WDR41: variants seen among roughly 807,000 people sequenced by gnomAD.
The protein encoded by WDR41 is WD repeat domain 41.
Under a neutral mutation model 69.3 loss-of-function variants are expected in WDR41, and 63 were observed. The ratio of observed to expected loss-of-function variants is 0.91; its 90% CI spans 0.74 to 1.12. The LOEUF (loss-of-function observed/expected upper bound fraction) is 1.12. Among genes scored for constraint, WDR41 ranks in the 50% most tolerant of loss-of-function variants. The probability of loss-of-function intolerance (pLI) is 0.00; values close to 1 mark genes in which losing one functional copy is unlikely to be tolerated. For missense variants in WDR41, 543 were observed against 534.5 expected (o/e 1.02, Z -0.16); for synonymous variants, 185 against 192.1 (o/e 0.96, Z 0.31).
chr5:77,548,192 T>C (rs997684096), intron 1 of WDR41, among the ~76,000 whole-genome samples: 1 of 152,148 alleles, frequency 6.6e-6, no homozygotes, highest in Non-Finnish European at 1.5e-5. Flanking sequence ...GAAGATAACA[T>C]TGGAAAAACT....
intron 2 of WDR41, among the ~76,000 whole-genome samples, chr5:77,475,580 G>T (rs181393765): frequency 6.6e-6 from 1 of 152,018 alleles, no homozygotes; most frequent in Non-Finnish European, 1.5e-5. Flanking sequence ...TCACACGGCC[G>T]GGTACTCCAA....
chr5:77,600,140 G>A (rs1251041320), intron 1 of WDR41, among the ~76,000 whole-genome samples: 3 of 152,122 alleles, frequency 2.0e-5, no homozygotes, highest in Non-Finnish European at 2.9e-5. Flanking sequence ...GGTCAAACAT[G>A]GGTTTGACCA....
intron 12 of WDR41, 57 bp from the exon 13 acceptor site, chr5:77,433,344 TACC>T (rs1446007166): frequency 3.9e-6 from 6 of 1,528,768 alleles, no homozygotes; most frequent in Admixed American, 1.9e-5. Flanking sequence ...AAGTGTCTAA[TACC>T]ACATTAACAC....
At chr5:77,491,362 G>C (rs1300594088) in intron 1 of WDR41, 1 of 162,844 alleles carries the variant, frequency 6.1e-6, no homozygotes, top group Non-Finnish European at 1.4e-5. Context: ...CTCTCTTTTC[G>C]GACTCAGCCC....
chr5:77,444,949 G>A (rs1241311135), intron 8 of WDR41, among the ~76,000 whole-genome samples: 5 of 152,136 alleles, frequency 3.3e-5, no homozygotes, highest in Admixed American at 6.5e-5. Flanking sequence ...GAGAAGAATT[G>A]AAGGAGACAG....
chr5:77,543,947 C>G (rs541271914), intron 1 of WDR41, among the ~76,000 whole-genome samples: 11 of 152,260 alleles, frequency 7.2e-5, no homozygotes, highest in African/African-American at 2.6e-4. Flanking sequence ...ATCAGATTAA[C>G]AGCAGATTTC....
chr5:77,558,880 A>T (rs1304389970), intron 1 of WDR41, among the ~76,000 whole-genome samples: 1 of 26,816 alleles, frequency 3.7e-5, no homozygotes, highest in East Asian at 9.8e-3. Context: ...AAGTCATTGA[A>T]AAAATATTTT....
intron 8 of WDR41, among the ~76,000 whole-genome samples, chr5:77,447,690 T>C (rs1360187663): frequency 6.6e-6 from 1 of 152,112 alleles, no homozygotes; most frequent in African/African-American, 2.4e-5. Context: ...ATGCCGCATA[T>C]TCTCACTCTA....
intron 1 of WDR41, among the ~76,000 whole-genome samples, chr5:77,614,139 G>A (rs10073465): frequency 0.11 from 15,974 of 151,102 alleles, 909 homozygotes; most frequent in East Asian, 0.25. Flanking sequence ...TAAAAAGTCA[G>A]GAAACAACAG....
intron 9 of WDR41, among the ~76,000 whole-genome samples, chr5:77,440,215 A>G (rs1799104922): frequency 6.6e-6 from 1 of 152,234 alleles, no homozygotes; most frequent in Non-Finnish European, 1.5e-5. Flanking sequence ...TTGTGATTAC[A>G]TTTAGAAAAG....
chr5:77,533,071 G>A (rs1212930544), intron 1 of WDR41, among the ~76,000 whole-genome samples: 1 of 152,076 alleles, frequency 6.6e-6, no homozygotes, highest in Non-Finnish European at 1.5e-5. Context: ...TCAGGAAATG[G>A]GATCCCTCAT....
intron 2 of WDR41, among the ~76,000 whole-genome samples, chr5:77,487,128 A>C (rs1246917171): frequency 2.0e-5 from 3 of 152,234 alleles, no homozygotes; most frequent in Non-Finnish European, 2.9e-5. Context: ...ACAGCAATGA[A>C]CATGATCTCT....
At chr5:77,450,256 T>G (rs543099520) in intron 7 of WDR41, among the ~76,000 whole-genome samples, 2 of 152,334 alleles carry the variant, frequency 1.3e-5, no homozygotes, top group East Asian at 3.9e-4. Context: ...CTCTTACTCA[T>G]GTAAGCATTG....
rs147609496 is a variant in WDR41, at chr5:77,464,788, A to G, written c.189T>C (p.Asp63=). The change falls in exon 3 of 13, where the codon GAT becomes GAC. Residue 63 remains aspartate (D), a synonymous_variant. Coordinates refer to ENST00000296679, the MANE Select transcript of WDR41 (RefSeq NM_018268.4). ...DDYRFASAGD[D]GIVVVWNAQT... ...GGGCATTCCACACAACTACAATTCCATCATCACCAGCAGATGCAAATCTGG... is the reference window on the plus strand; with the variant it reads ...GGGCATTCCACACAACTACAATTCCGTCATCACCAGCAGATGCAAATCTGG... 1.9e-5 allele frequency: 31 copies of G among 1,613,852 alleles called. No individual in the cohort carries two copies. The African/African-American group carries it at 4.1e-4, about 22-fold the overall frequency.
rs200554394 is a variant in WDR41, at chr5:77,450,473, TAC to T, written c.587-605_587-604del. Among the ~76,000 whole-genome samples the T allele has an allele frequency of 2.6e-5, 4 of 152,242 alleles. No homozygotes were observed. In the East Asian group the frequency reaches 7.7e-4, roughly 29 times the overall value. On this transcript the variant is annotated intron_variant, in intron 7 of 12. Coordinates refer to ENST00000296679, the MANE Select transcript of WDR41 (RefSeq NM_018268.4). The stretch of plus-strand genomic sequence containing the variant: ...TTACTCATTATCTGACTTTAACAAA[TAC>T]AGTTTTATTTAAACTAGTATAAATC...
intron 2 of WDR41, among the ~76,000 whole-genome samples, chr5:77,485,931 G>C (rs1801499130): frequency 6.6e-6 from 1 of 151,816 alleles, no homozygotes; most frequent in Non-Finnish European, 1.5e-5. Context: ...GTGAAACCTG[G>C]ATTATAACAG....
intron 1 of WDR41, among the ~76,000 whole-genome samples, chr5:77,518,587 A>AC (rs1283358445): frequency 6.6e-6 from 1 of 152,114 alleles, no homozygotes; most frequent in Non-Finnish European, 1.5e-5. Flanking sequence ...ATCAGAATCC[A>AC]CTTTAACAAG....
intron 1 of WDR41, among the ~76,000 whole-genome samples, chr5:77,596,891 G>C (rs1580041439): frequency 6.6e-6 from 1 of 152,124 alleles, no homozygotes; most frequent in Non-Finnish European, 1.5e-5. Flanking sequence ...GGTTAAGGGG[G>C]TGGATTGCTT....
chr5:77,536,638 TA>T (rs973120286), intron 1 of WDR41, among the ~76,000 whole-genome samples: 1 of 152,220 alleles, frequency 6.6e-6, no homozygotes, highest in Non-Finnish European at 1.5e-5. Context: ...ACCATATTTT[TA>T]CCGTACCTTT....
Sources: gnomAD v4.1 joint callset for allele counts (sites outside exome capture counted in the v4.1 genomes callset) on GRCh38, gnomAD v4.1.1 for gene constraint, MANE v1.5 for transcripts, NCBI Gene and HGNC (gene_info 2026-07-23, HGNC 2026-07-21) for gene names.